Variants in MCCC1 observed in about 807,000 individuals in gnomAD.
MCCC1 encodes the protein methylcrotonyl-CoA carboxylase subunit 1.
In MCCC1, 64 loss-of-function variants were observed where a neutral mutation model predicts 83.8. The ratio of observed to expected loss-of-function variants is 0.76; its 90% CI spans 0.62 to 0.94. MCCC1 has a LOEUF of 0.94. Ranked by LOEUF, MCCC1 falls within the 40% of genes least tolerant of loss-of-function variation. The pLI is 0.00. For missense variants in MCCC1, 807 were observed against 904.7 expected (o/e 0.89, Z 1.39); for synonymous variants, 322 against 315.4 (o/e 1.02, Z -0.22).
intron 8 of MCCC1, among the ~76,000 whole-genome samples, chr3:183,052,588 C>T (rs1163830004): frequency 6.6e-6 from 1 of 152,026 alleles, no homozygotes; most frequent in African/African-American, 2.4e-5. Context: ...GCGGGCGGAT[C>T]ACAAGGTCAG....
chr3:183,089,659 G>A (rs1409235363), intron 3 of MCCC1, among the ~76,000 whole-genome samples: 20 of 151,902 alleles, frequency 1.3e-4, no homozygotes, highest in Admixed American at 1.3e-3. Context: ...TAGGTGGGAG[G>A]GGGTGGAAAG....
At chr3:183,048,121 C>T (rs1714689770) in intron 9 of MCCC1, among the ~76,000 whole-genome samples, 1 of 152,052 alleles carries the variant, frequency 6.6e-6, no homozygotes, top group Non-Finnish European at 1.5e-5. Context: ...TGTTATGCAG[C>T]ATATGACTGT....
At chr3:183,070,542 G>A (rs1380571339) in intron 7 of MCCC1, among the ~76,000 whole-genome samples, 1 of 152,158 alleles carries the variant, frequency 6.6e-6, no homozygotes, top group African/African-American at 2.4e-5. Flanking sequence ...AGACCTGCCT[G>A]ACCAACATGG....
At chr3:183,077,707 T>C (rs546648196) in intron 4 of MCCC1, among the ~76,000 whole-genome samples, 2 of 152,318 alleles carry the variant, frequency 1.3e-5, no homozygotes, top group Admixed American at 6.5e-5. Flanking sequence ...TTTTCTCCTA[T>C]GTTTTCTTCT....
intron 13 of MCCC1, among the ~76,000 whole-genome samples, chr3:183,036,338 G>A (rs1187808884): frequency 2.6e-5 from 4 of 151,930 alleles, no homozygotes; most frequent in African/African-American, 7.3e-5. Flanking sequence ...GAAGTAATTC[G>A]ACAATAAGTC....
At chr3:183,033,342 A>G (rs4859265) in intron 14 of MCCC1, among the ~76,000 whole-genome samples, 136,913 of 152,288 alleles carry the variant, frequency 0.9, 61,859 homozygotes, top group East Asian at 1. Context: ...CACAAAGAGT[A>G]GGTGTGAATC....
At chr3:183,031,436 TCA>T (rs1713061079) in intron 14 of MCCC1, among the ~76,000 whole-genome samples, 1 of 150,126 alleles carries the variant, frequency 6.7e-6, no homozygotes, top group African/African-American at 2.4e-5. Context: ...TTGGTCATTC[TCA>T]CTGTGGTCAC....
At chr3:183,070,003 A>G (rs1225582911) in intron 7 of MCCC1, among the ~76,000 whole-genome samples, 1 of 152,234 alleles carries the variant, frequency 6.6e-6, no homozygotes, top group Non-Finnish European at 1.5e-5. Context: ...GTAACACAAC[A>G]CAACCATTCT....
rs1242158818 is a variant in MCCC1, at chr3:183,071,296, C to T, written c.553G>A (p.Asp185Asn). 41 of 1,614,094 alleles carry T rather than the reference C, an allele frequency of 2.5e-5. No homozygotes were observed. The highest frequency in any genetic ancestry group is 3.3e-5 in the Non-Finnish European group (39 of 1,180,044). The change falls in exon 6 of 19, where the codon GAC becomes AAC. Residue 185 changes from aspartate (D) to asparagine (N), a missense_variant. Asp to Asn is a conservative substitution (Grantham distance 23). Transcript: ENST00000265594. ...VPVVEGYHGE[D>N]QSDQCLKEHA... ...TCCTTCAGGCACTGGTCTGATTGGTCCTCACCATGATAACCCTCCACAACA... is the reference window on the plus strand; with the variant it reads ...TCCTTCAGGCACTGGTCTGATTGGTTCTCACCATGATAACCCTCCACAACA...
intron 3 of MCCC1, among the ~76,000 whole-genome samples, chr3:183,090,725 G>T (rs1718259768): frequency 6.6e-6 from 1 of 152,100 alleles, no homozygotes; most frequent in Non-Finnish European, 1.5e-5. Flanking sequence ...GAGTAGCTGG[G>T]ATTACAGGCA....
intron 3 of MCCC1, chr3:183,090,969 A>T (rs991743736): frequency 4.4e-6 from 2 of 456,546 alleles, no homozygotes; most frequent in Non-Finnish European, 8.8e-6. Flanking sequence ...GACATAACTA[A>T]GTCAGCAGAT....
intron 18 of MCCC1, 72 bp from the exon 19 acceptor site, chr3:183,015,638 A>C: frequency 6.3e-7 from 1 of 1,584,644 alleles, no homozygotes; most frequent in Non-Finnish European, 8.7e-7. Flanking sequence ...CAAGTCAAGA[A>C]AGGGAGACCA....
intron 1 of MCCC1, 44 bp downstream of exon 1, chr3:183,099,308 C>T (rs780048478): frequency 5.8e-6 from 9 of 1,553,418 alleles, no homozygotes. Context: ...CCGTGCACCC[C>T]TCGCTCCCGC....
At chr3:183,024,000 C>A (rs1197381468) in intron 15 of MCCC1, among the ~76,000 whole-genome samples, 1 of 152,162 alleles carries the variant, frequency 6.6e-6, no homozygotes, top group Non-Finnish European at 1.5e-5. Context: ...CCTATAATCC[C>A]AGCACTTTGG....
intron 12 of MCCC1, 69 bp from the exon 13 acceptor site, chr3:183,037,503 CT>C: frequency 7.9e-7 from 1 of 1,258,960 alleles, no homozygotes. Context: ...ACCATCTGCT[CT>C]TTTTATCTAA....
intron 13 of MCCC1, among the ~76,000 whole-genome samples, chr3:183,034,341 C>T (rs2108462818): frequency 6.6e-6 from 1 of 151,474 alleles, no homozygotes; most frequent in East Asian, 2.0e-4. Context: ...GTCCCAGCTA[C>T]TCTGGAGGCT....
intron 7 of MCCC1, among the ~76,000 whole-genome samples, chr3:183,069,044 A>T (rs1716457871): frequency 6.6e-6 from 1 of 152,220 alleles, no homozygotes; most frequent in Non-Finnish European, 1.5e-5. Flanking sequence ...AATAATTAGG[A>T]GAATACAATT....
chr3:183,094,350 C>T (rs1399572496), intron 2 of MCCC1, among the ~76,000 whole-genome samples: 2 of 151,848 alleles, frequency 1.3e-5, no homozygotes, highest in African/African-American at 4.8e-5. Context: ...CGCCCGGCTG[C>T]CCTCTGTATT....
chr3:183,072,557 A>C (rs992841971), intron 4 of MCCC1, 70 bp from the exon 5 acceptor site: 2 of 1,584,584 alleles, frequency 1.3e-6, no homozygotes, highest in African/African-American at 1.3e-5. Flanking sequence ...ATGCAGGTGA[A>C]GCTGTCTTCC....
Sources: gnomAD v4.1 joint callset for allele counts (sites outside exome capture counted in the v4.1 genomes callset) on GRCh38, gnomAD v4.1.1 for gene constraint, MANE v1.5 for transcripts, NCBI Gene and HGNC (gene_info 2026-07-23, HGNC 2026-07-21) for gene names.